Variants in LINGO2 observed in about 807,000 individuals in gnomAD.
The protein encoded by LINGO2 is leucine-rich repeat and immunoglobulin-like domain-containing nogo receptor-interacting protein 2.
In LINGO2, 14 loss-of-function variants were observed where a neutral mutation model predicts 30.6. The ratio of observed to expected loss-of-function variants is 0.46; its 90% CI spans 0.30 to 0.72. LINGO2 has a LOEUF of 0.72. Among genes scored for constraint, LINGO2 ranks in the 30% least tolerant of loss-of-function variants. The pLI is 0.07. For missense variants in LINGO2, 729 were observed against 751.7 expected, an observed-to-expected ratio of 0.97 and a Z score of 0.35; for synonymous variants, 317 against 288.5, an observed-to-expected ratio of 1.10 and a Z score of -1.00.
chr9:28,271,167 A>AAC (rs1554696230), intron 4 of LINGO2, among the ~76,000 whole-genome samples: 6 of 151,346 alleles, frequency 4.0e-5, no homozygotes, highest in Non-Finnish European at 7.4e-5. Context: ...AAAAAAAAAA[A>AAC]ACACAAAAAA....
chr9:28,277,673 G>T (rs1823165647), intron 4 of LINGO2, among the ~76,000 whole-genome samples: 1 of 151,822 alleles, frequency 6.6e-6, no homozygotes, highest in African/African-American at 2.4e-5. Flanking sequence ...GCTGGGTGTG[G>T]TGGCAGGCAC....
At chr9:27,989,210 A>C (rs1821269112) in intron 5 of LINGO2, among the ~76,000 whole-genome samples, 1 of 151,940 alleles carries the variant, frequency 6.6e-6, no homozygotes, top group African/African-American at 2.4e-5. Flanking sequence ...CAGCATTCCC[A>C]TCAAGGGTCT....
chr9:28,138,490 G>C (rs1412391387), intron 4 of LINGO2, among the ~76,000 whole-genome samples: 1 of 152,022 alleles, frequency 6.6e-6, no homozygotes, highest in East Asian at 1.9e-4. Flanking sequence ...TTTTTGTGAG[G>C]CCACTTTTCA....
the LINGO2 span, among the ~76,000 whole-genome samples, chr9:29,004,993 G>C: frequency 6.6e-6 from 1 of 151,878 alleles, no homozygotes; most frequent in African/African-American, 2.4e-5. Context: ...ATTGTACTTA[G>C]AAAGTATCTG....
At chr9:29,026,582 A>C in the LINGO2 span, among the ~76,000 whole-genome samples, 1 of 152,114 alleles carries the variant, frequency 6.6e-6, no homozygotes, top group Non-Finnish European at 1.5e-5. Context: ...TATTTTTGTC[A>C]ACTATGCAAT....
intron 1 of LINGO2, among the ~76,000 whole-genome samples, chr9:28,555,471 C>G (rs917155951): frequency 6.6e-6 from 1 of 151,680 alleles, no homozygotes; most frequent in Non-Finnish European, 1.5e-5. Flanking sequence ...TCTGAATAGA[C>G]CAATAACAGG....
the LINGO2 span, among the ~76,000 whole-genome samples, chr9:28,853,547 A>G: frequency 6.6e-6 from 1 of 151,982 alleles, no homozygotes; most frequent in Admixed American, 6.6e-5. Context: ...TCATTCTCAC[A>G]TTGGTATAAG....
chr9:29,053,372 T>C, the LINGO2 span, among the ~76,000 whole-genome samples: 1 of 152,234 alleles, frequency 6.6e-6, no homozygotes, highest in Admixed American at 6.5e-5. Context: ...GATGTTCCCC[T>C]TCCTCTGTCC....
chr9:27,988,434 C>T (rs1172714872), intron 5 of LINGO2, among the ~76,000 whole-genome samples: 1 of 152,040 alleles, frequency 6.6e-6, no homozygotes, highest in Non-Finnish European at 1.5e-5. Context: ...CACTGTCTTC[C>T]ACAATGGTTG....
intron 5 of LINGO2, among the ~76,000 whole-genome samples, chr9:27,964,242 T>A (rs1189886094): frequency 6.6e-6 from 1 of 152,042 alleles, no homozygotes; most frequent in East Asian, 1.9e-4. Flanking sequence ...GTGTTATATA[T>A]TATAACATAT....
intron 2 of LINGO2, among the ~76,000 whole-genome samples, chr9:28,434,346 A>G (rs1247440737): frequency 2.8e-5 from 2 of 70,896 alleles, no homozygotes; most frequent in Admixed American, 1.4e-4. Context: ...TTAAGAAAAA[A>G]AGGAAAAAAA....
At chr9:28,254,088 A>AC (rs1235509624) in intron 4 of LINGO2, among the ~76,000 whole-genome samples, 1 of 151,898 alleles carries the variant, frequency 6.6e-6, no homozygotes, top group Non-Finnish European at 1.5e-5. Flanking sequence ...TGTGACAAGG[A>AC]CCCCCGTCTT....
At chr9:28,049,250 G>A (rs1824561269) in intron 4 of LINGO2, among the ~76,000 whole-genome samples, 1 of 150,778 alleles carries the variant, frequency 6.6e-6, no homozygotes, top group East Asian at 2.0e-4. Context: ...GCTGTCTTTT[G>A]TATATACAAG....
the LINGO2 span, among the ~76,000 whole-genome samples, chr9:28,773,782 G>C: frequency 6.6e-6 from 1 of 152,138 alleles, no homozygotes; most frequent in Non-Finnish European, 1.5e-5. Flanking sequence ...CAACTGGAGA[G>C]AGGGTAAAAT....
intron 4 of LINGO2, among the ~76,000 whole-genome samples, chr9:28,278,071 T>C (rs1233051221): frequency 1.3e-5 from 2 of 152,116 alleles, no homozygotes; most frequent in South Asian, 2.1e-4. Context: ...GTGGTCTGGA[T>C]AGAAGATCAA....
At chr9:28,625,880 T>A (rs1826642984) in intron 1 of LINGO2, among the ~76,000 whole-genome samples, 1 of 152,006 alleles carries the variant, frequency 6.6e-6, no homozygotes, top group South Asian at 2.1e-4. Flanking sequence ...TATAATTTAA[T>A]CTTAAAAAAT....
chr9:28,318,471 G>T (rs1824923487), intron 3 of LINGO2, among the ~76,000 whole-genome samples: 2 of 152,126 alleles, frequency 1.3e-5, no homozygotes, highest in Non-Finnish European at 2.9e-5. Flanking sequence ...TTTGGGAGTT[G>T]GAGATTATTT....
chr9:28,091,269 C>T (rs1478513130), intron 4 of LINGO2, among the ~76,000 whole-genome samples: 2 of 152,106 alleles, frequency 1.3e-5, no homozygotes, highest in African/African-American at 4.8e-5. Flanking sequence ...CAATGCTAAG[C>T]CAAAAGAACA....
the LINGO2 span, among the ~76,000 whole-genome samples, chr9:29,148,233 C>G: frequency 6.6e-6 from 1 of 152,116 alleles, no homozygotes; most frequent in Non-Finnish European, 1.5e-5. Context: ...TAACACCCAT[C>G]ATCCTGAAAA....
Sources: gnomAD v4.1 joint callset for allele counts (sites outside exome capture counted in the v4.1 genomes callset) on GRCh38, gnomAD v4.1.1 for gene constraint, MANE v1.5 for transcripts, NCBI Gene and HGNC (gene_info 2026-07-23, HGNC 2026-07-21) for gene names.